Variants in CACNA1B observed in about 807,000 individuals in gnomAD.
CACNA1B encodes the protein calcium voltage-gated channel subunit alpha1 B.
CACNA1B carries 70 observed loss-of-function variants against 247.2 expected under a neutral mutation model. The observed-to-expected ratio is 0.28, with a 90% CI of 0.23 to 0.35. The LOEUF (loss-of-function observed/expected upper bound fraction) is 0.35. CACNA1B is among the 10% of genes least tolerant of loss of function. The pLI, the probability that CACNA1B is intolerant of heterozygous loss-of-function variation, is 1.00. For missense variants in CACNA1B, 2,367 were observed against 3,197.4 expected, an observed-to-expected ratio of 0.74 and a Z score of 6.26; for synonymous variants, 1,231 against 1,294.4, an observed-to-expected ratio of 0.95 and a Z score of 1.05.
intron 2 of CACNA1B, 74 bp downstream of exon 2, chr9:137,879,233 T>A (rs1956883713): frequency 1.1e-6 from 1 of 945,992 alleles, no homozygotes; most frequent in Middle Eastern, 2.1e-4. Context: ...GGTCTGTGCC[T>A]GAGAACAGCT....
chr9:138,048,152 T>G (rs2133482645), intron 23 of CACNA1B, among the ~76,000 whole-genome samples: 1 of 152,304 alleles, frequency 6.6e-6, no homozygotes, highest in South Asian at 2.1e-4. Context: ...GCTATTTCAC[T>G]CTTGCAAAAT....
At position 138,059,202 on chromosome 9, in the gene CACNA1B, G is replaced by A. The variant is rs904531212; in HGVS notation, c.4584+13G>A. The A allele has an allele frequency of 5.2e-6, 8 of 1,536,658 alleles. No homozygotes were observed. The highest frequency in any genetic ancestry group is 7.2e-6 in the Non-Finnish European group (8 of 1,110,576). On this transcript the variant is annotated intron_variant, in intron 30 of 46. Transcript: ENST00000371372. This position sits in a 1 kb window ranked among gnomAD's most constrained non-coding sequence, Gnocchi z 4.2. Reference sequence around the variant, plus strand: ...CTTTGGGGTGCTGGTACGTGCTTTGGTCCCTGCTTTGCCTTTTGACAACCT... The same window carrying A: ...CTTTGGGGTGCTGGTACGTGCTTTGATCCCTGCTTTGCCTTTTGACAACCT...
Position 138,114,488 on chromosome 9 carries a change from C to A in CACNA1B, c.5647C>A (p.Gln1883Lys). The change falls in exon 41 of 47, where the codon CAG (glutamine) becomes AAG (lysine). Residue 1883 changes from glutamine (Q) to lysine (K), a missense_variant and splice_region_variant. Gln to Lys is a moderately conservative substitution (Grantham distance 53, BLOSUM62 1). Around this residue, in one of 12 missense-constraint regions of CACNA1B, gnomAD observed 773 missense variants for 779.4 expected, o/e 0.99. Coordinates refer to ENST00000371372, the MANE Select transcript of CACNA1B (RefSeq NM_000718.4). ...QMQQAPGGLS[Q>K]MGPVSLFHPL... is the part of the protein sequence containing the mutation. ...GCAGCAGGCTCCTGGAGGCCTCTCCCAGGTAGCTGGCGGCCCTCAGTTTTC... is the reference window on the plus strand; with the variant it reads ...GCAGCAGGCTCCTGGAGGCCTCTCCAAGGTAGCTGGCGGCCCTCAGTTTTC... 6.5e-7 allele frequency: 1 copy of A among 1,537,716 alleles called. No individual in the cohort carries two copies. Among genetic ancestry groups the A allele is most frequent in the Non-Finnish European group, 8.9e-7 (1 of 1,127,220 alleles).
chr9:138,105,385 C>T (rs1459832821), intron 38 of CACNA1B, among the ~76,000 whole-genome samples: 1 of 152,234 alleles, frequency 6.6e-6, no homozygotes, highest in East Asian at 1.9e-4. Flanking sequence ...CTCCTACATT[C>T]AGCCACAGGC....
At chr9:138,066,185 T>C (rs1381813130) in intron 31 of CACNA1B, among the ~76,000 whole-genome samples, 1 of 152,196 alleles carries the variant, frequency 6.6e-6, no homozygotes, top group Non-Finnish European at 1.5e-5. Context: ...CTGAGGGTAG[T>C]GTGGATGCCA....
intron 18 of CACNA1B, among the ~76,000 whole-genome samples, chr9:138,022,807 G>GGT (rs748502472): frequency 0.018 from 1,302 of 70,592 alleles, 26 homozygotes; most frequent in African/African-American, 0.065. Flanking sequence ...GGACACCGTG[G>GGT]GGGGGGGGGG....
rs537411550 is a variant in CACNA1B at position 138,056,984 on chromosome 9, G to A, written c.3969-748G>A. Among the ~76,000 whole-genome samples, 248 of 141,410 alleles carry A rather than the reference G, an allele frequency of 1.8e-3. 1 individual carries two copies. The highest frequency in any genetic ancestry group is 5.9e-3 in the African/African-American group (216 of 36,484). The allele number at this position is 141,410 out of a possible 152,430, so 92.8% of individuals were successfully genotyped here. On this transcript the variant is annotated intron_variant, in intron 26 of 46. Transcript: ENST00000371372. ...GGAGTCTCGCTCTGTTGCCCAGGCT[G>A]GAGTGCAGTGGCGCGATCTCGGCTC...
chr9:137,949,742 T>C (rs1255816657), intron 6 of CACNA1B, among the ~76,000 whole-genome samples: 1 of 151,612 alleles, frequency 6.6e-6, no homozygotes, highest in African/African-American at 2.4e-5. Flanking sequence ...CAGGGGAGGG[T>C]TGGTCTTGAA....
chr9:138,046,399 G>A (rs1959186153), intron 21 of CACNA1B, among the ~76,000 whole-genome samples: 1 of 152,226 alleles, frequency 6.6e-6, no homozygotes, highest in African/African-American at 2.4e-5. Context: ...ACAGGCCCCA[G>A]AGAACTTTCC....
intron 21 of CACNA1B, among the ~76,000 whole-genome samples, chr9:138,046,201 T>C (rs1187394241): frequency 6.6e-6 from 1 of 152,204 alleles, no homozygotes; most frequent in East Asian, 1.9e-4. Flanking sequence ...GTCACCCCTG[T>C]GTCCCCCAGT....
At position 137,957,173 on chromosome 9, in the gene CACNA1B, G is replaced by A. The variant is rs1239277499; in HGVS notation, c.1243+346G>A. 1.3e-5 allele frequency among the ~76,000 whole-genome samples: 2 copies of A among 152,218 alleles called. No homozygotes were observed. The highest frequency in any genetic ancestry group is 2.9e-5 in the Non-Finnish European group (2 of 68,046). On this transcript the variant is annotated intron_variant, in intron 9 of 46. Coordinates refer to ENST00000371372, the MANE Select transcript of CACNA1B (RefSeq NM_000718.4). This position sits in a 1 kb window ranked among gnomAD's most constrained non-coding sequence, Gnocchi z 4.7. ...GTTACCAGCATAGCTGCAGCAGCAG[G>A]AAGGCTGCCCTCTCTGCACACCCAC...
chr9:137,940,010 A>G (rs1226057271), intron 6 of CACNA1B, among the ~76,000 whole-genome samples: 1 of 152,062 alleles, frequency 6.6e-6, no homozygotes, highest in Non-Finnish European at 1.5e-5. Flanking sequence ...TCACACCTCA[A>G]TGAACTAAAG....
At chr9:137,905,790 T>G (rs1179975798) in intron 3 of CACNA1B, among the ~76,000 whole-genome samples, 1 of 152,232 alleles carries the variant, frequency 6.6e-6, no homozygotes, top group African/African-American at 2.4e-5. Context: ...TTGCTACATT[T>G]AATTCTCAGC....
Position 137,954,555 on chromosome 9 carries a change from T to C in CACNA1B, c.1071-1143T>C, listed in dbSNP as rs1957921583. ...CAGATCAGTTCAAGCAGTGATGTCC[T>C]TGCCCTTCCCCTGCCCCCCAGGCCC... On this transcript the variant is annotated intron_variant, in intron 7 of 46. Coordinates refer to ENST00000371372, the MANE Select transcript of CACNA1B (RefSeq NM_000718.4). The surrounding 1 kb of genome is among the most constrained non-coding windows in gnomAD (Gnocchi z 4.1). Among the ~76,000 whole-genome samples the C allele has an allele frequency of 6.6e-6, 1 of 152,114 alleles. No homozygotes were observed. Among genetic ancestry groups the C allele is most frequent in the Admixed American group, 6.5e-5 (1 of 15,280 alleles).
At chr9:137,896,192 T>C (rs1026973748) in intron 3 of CACNA1B, among the ~76,000 whole-genome samples, 2 of 149,548 alleles carry the variant, frequency 1.3e-5, no homozygotes, top group African/African-American at 2.5e-5. Context: ...TGAGCCGAGA[T>C]TGCACCACTG....
intron 39 of CACNA1B, among the ~76,000 whole-genome samples, chr9:138,110,762 C>G (rs960192103): frequency 1.2e-4 from 19 of 152,064 alleles, no homozygotes; most frequent in African/African-American, 4.6e-4. Flanking sequence ...AATGAAAAGA[C>G]AAGCCTAAAA....
rs1001291580 is a variant in CACNA1B at position 138,023,270 on chromosome 9, G to C, written c.2527G>C (p.Glu843Gln). Residue 843 changes from glutamate to glutamine, a missense_variant, in exon 19 of 47, where the codon GAG becomes CAG. By Grantham distance (29) the Glu-to-Gln change is conservative. Coordinates refer to ENST00000371372, the MANE Select transcript of CACNA1B (RefSeq NM_000718.4). ...KARPEAAEAP[E>Q]GVDPPRRHHR... ...CCGACCTGAGGCTGCGGAGGCCCCCGAGGGCGTCGACCCTCCGCGCAGGCA... is the reference window on the plus strand; with the variant it reads ...CCGACCTGAGGCTGCGGAGGCCCCCCAGGGCGTCGACCCTCCGCGCAGGCA... The C allele has an allele frequency of 2.6e-5, 39 of 1,516,142 alleles. No homozygotes were observed. Among genetic ancestry groups the C allele is most frequent in the Non-Finnish European group, 3.3e-5 (38 of 1,140,278 alleles). The allele number at this position is 1,516,142 out of a possible 1,614,324, so 93.9% of individuals were successfully genotyped here. A position where few individuals can be genotyped will look rare whatever the true frequency, so the allele number is the denominator to read the frequency against.
At position 138,057,727 on chromosome 9, in the gene CACNA1B, C is replaced by T. The variant is rs201929527; in HGVS notation, c.3969-5C>T. ...CCCTCTAACCTCCCATGTTCTCATT[C>T]CTAGGGGTCAGTATTTGGATTATGA... is the stretch of plus-strand genomic sequence containing the variant. On this transcript the variant is annotated splice_polypyrimidine_tract_variant and splice_region_variant and intron_variant, in intron 26 of 46. Coordinates refer to ENST00000371372, the MANE Select transcript of CACNA1B (RefSeq NM_000718.4). This position sits in a 1 kb window ranked among gnomAD's most constrained non-coding sequence, Gnocchi z 4.0. 1.9e-6 allele frequency: 3 copies of T among 1,607,244 alleles called. No homozygotes were observed. Among genetic ancestry groups the T allele is most frequent in the Admixed American group, 1.7e-5 (1 of 59,794 alleles).
At chr9:138,109,498 CTG>C (rs1564290554) in intron 39 of CACNA1B, among the ~76,000 whole-genome samples, 1 of 152,192 alleles carries the variant, frequency 6.6e-6, no homozygotes, top group Non-Finnish European at 1.5e-5. Flanking sequence ...AGACTTGCCT[CTG>C]TGTGTGCAGG....
Sources: allele counts gnomAD v4.1 joint callset (sites outside exome capture counted in the v4.1 genomes callset), GRCh38; gene constraint gnomAD v4.1.1; regional missense constraint gnomAD v4.1.1; non-coding constraint Gnocchi (gnomAD v3.1); transcripts MANE v1.5; gene names NCBI Gene and HGNC (gene_info 2026-07-23, HGNC 2026-07-21).